Variants in PLGLB2 observed in about 807,000 individuals in gnomAD.
PLGLB2 encodes the protein plasminogen like B2.
chr2:87,751,714 CAT>C (rs1226713668), intron 1 of PLGLB2: 6 of 120,550 alleles, frequency 5.0e-5, no homozygotes, highest in African/African-American at 1.7e-4. Flanking sequence ...TGATAGCAAA[CAT>C]AAAATTTGTT....
rs1684805016 is a variant in PLGLB2, at chr2:87,758,358, C to CATGGACAAA, written c.*1545_*1553dup. 1.9e-5 allele frequency among the ~76,000 whole-genome samples: 2 copies of CATGGACAAA among 108,052 alleles called. No homozygotes were observed. The highest frequency in any genetic ancestry group is 7.1e-5 in the African/African-American group (2 of 28,224). 70.9% of individuals were successfully genotyped at this position (108,052 alleles called of 152,430 possible). On this transcript the variant is annotated 3_prime_UTR_variant, in exon 4 of 4. Coordinates refer to ENST00000359481, the MANE Select transcript of PLGLB2 (RefSeq NM_002665.4). ...AGTGGAATTCCTGGCACATAGTTCA[C>CATGGACAAA]ATGGACAAAATGGTGTTAACTACGA...
At chr2:87,749,018 AAGC>A (rs1684601095) in intron 1 of PLGLB2, among the ~76,000 whole-genome samples, 1 of 133,998 alleles carries the variant, frequency 7.5e-6, no homozygotes, top group Non-Finnish European at 1.6e-5. Context: ...AACTGGATTT[AAGC>A]CAGGTTTCCC....
At chr2:87,752,891 GGGA>G (rs1465220012) in intron 2 of PLGLB2, among the ~76,000 whole-genome samples, 1 of 69,454 alleles carries the variant, frequency 1.4e-5, no homozygotes, top group Admixed American at 2.0e-4. Flanking sequence ...AGAAGGCTCA[GGGA>G]GGAGGTGGGA....
chr2:87,758,969 C>T lies in PLGLB2; in HGVS notation c.*2151C>T, dbSNP rs1231163615. On this transcript the variant is annotated 3_prime_UTR_variant, in exon 4 of 4. Coordinates refer to ENST00000359481, the MANE Select transcript of PLGLB2 (RefSeq NM_002665.4). ...TATTAATAATTGCGTAACGTGTTCA[C>T]CTCTCGGAAAGGAGCAAAACTTTGC... 7.0e-6 allele frequency among the ~76,000 whole-genome samples: 1 copy of T among 142,380 alleles called. No individual in the cohort carries two copies. The highest frequency in any genetic ancestry group is 1.6e-5 in the Non-Finnish European group (1 of 64,044). 93.4% of individuals were successfully genotyped at this position (142,380 alleles called of 152,430 possible). A position where few individuals can be genotyped will look rare whatever the true frequency, so the allele number is the denominator to read the frequency against.
At chr2:87,755,079 TA>T (rs1684694206) in intron 3 of PLGLB2, among the ~76,000 whole-genome samples, 1 of 140,670 alleles carries the variant, frequency 7.1e-6, no homozygotes, top group Non-Finnish European at 1.5e-5. Context: ...TCCAAGACCC[TA>T]TCACCACTGG....
chr2:87,749,010 C>T (rs1684601001), intron 1 of PLGLB2, among the ~76,000 whole-genome samples: 2 of 130,892 alleles, frequency 1.5e-5, no homozygotes, highest in East Asian at 4.4e-4. Flanking sequence ...ATAAAGAAAA[C>T]TGGATTTAAG....
At chr2:87,756,137 G>A (rs1411507473) in intron 3 of PLGLB2, 1 of 36,490 alleles carries the variant, frequency 2.7e-5, no homozygotes, top group East Asian at 6.8e-4. Flanking sequence ...AGACATGGGT[G>A]GGCACACTAG....
chr2:87,753,222 CTTCT>C (rs1287425084), intron 2 of PLGLB2, among the ~76,000 whole-genome samples: 3 of 137,108 alleles, frequency 2.2e-5, no homozygotes, highest in Non-Finnish European at 3.2e-5. Flanking sequence ...ACCAGAGTTG[CTTCT>C]TTCTGACCCA....
At chr2:87,750,877 A>T in intron 1 of PLGLB2, among the ~76,000 whole-genome samples, 1 of 133,694 alleles carries the variant, frequency 7.5e-6, no homozygotes, top group Admixed American at 7.4e-5. Flanking sequence ...TGCCGCCTCC[A>T]CTGCTCTCCT....
intron 1 of PLGLB2, among the ~76,000 whole-genome samples, chr2:87,750,865 G>A (rs1052334309): frequency 1.5e-4 from 20 of 135,406 alleles, no homozygotes; most frequent in Admixed American, 2.9e-4. Flanking sequence ...CTTGTCTCCC[G>A]CTGCCGCCTC....
At position 87,758,748 on chromosome 2, in the gene PLGLB2, A is replaced by C; in HGVS notation, c.*1930A>C. ...TCCTCCCCAGATTCTCACCTGCTAC[A>C]CACCCCTCAGAGGGACTGGAGGAAT... is the stretch of plus-strand genomic sequence containing the variant. On this transcript the variant is annotated 3_prime_UTR_variant, in exon 4 of 4. Transcript: ENST00000359481. 1.4e-6 allele frequency: 1 copy of C among 695,218 alleles called. No individual in the cohort carries two copies. The highest frequency in any genetic ancestry group is 2.6e-5 in the East Asian group (1 of 38,644). The allele number at this position is 695,218 out of a possible 1,614,324, so 43.1% of individuals were successfully genotyped here. A position where few individuals can be genotyped will look rare whatever the true frequency, so the allele number is the denominator to read the frequency against.
chr2:87,751,413 C>T (rs1684643297), intron 1 of PLGLB2: 1 of 149,318 alleles, frequency 6.7e-6, no homozygotes, highest in Non-Finnish European at 1.5e-5. Context: ...GCTTCTTACC[C>T]TCCAGTGTTT....
At chr2:87,753,856 AAG>A (rs1351216746) in intron 3 of PLGLB2, among the ~76,000 whole-genome samples, 1 of 105,946 alleles carries the variant, frequency 9.4e-6, no homozygotes, top group African/African-American at 2.9e-5. Context: ...CAAAAAATGA[AAG>A]GATTAGATTT....
chr2:87,750,424 T>C (rs1684627416), intron 1 of PLGLB2, among the ~76,000 whole-genome samples: 1 of 151,866 alleles, frequency 6.6e-6, no homozygotes, highest in African/African-American at 2.4e-5. Flanking sequence ...AGAGTTCAAG[T>C]TGGCAGAAAG....
chr2:87,756,537 T>C (rs1451421490), intron 3 of PLGLB2: 1 of 330,382 alleles, frequency 3.0e-6, no homozygotes, highest in Non-Finnish European at 5.8e-6. Flanking sequence ...GAATGTGAGC[T>C]CTATGATGGC....
chr2:87,753,082 A>T (rs2104199892), intron 2 of PLGLB2, among the ~76,000 whole-genome samples: 1 of 138,438 alleles, frequency 7.2e-6, no homozygotes, highest in East Asian at 2.7e-4. Context: ...CACCCATAGC[A>T]GGACCACGGG....
intron 2 of PLGLB2, among the ~76,000 whole-genome samples, chr2:87,752,675 TGAG>T (rs1399799861): frequency 1.3e-4 from 2 of 15,274 alleles, no homozygotes; most frequent in Non-Finnish European, 1.8e-4. Context: ...AAATGTTTGT[TGAG>T]GATCATATGA....
rs1209522874 is a variant in PLGLB2 at position 87,756,972 on chromosome 2, TA to T, written c.*157del. On this transcript the variant is annotated 3_prime_UTR_variant, in exon 4 of 4. Coordinates refer to ENST00000359481, the MANE Select transcript of PLGLB2 (RefSeq NM_002665.4). ...CTTTCATCTTTGTGTTCATCTACTG[TA>T]AAGTGTCCGTCTGTGTCTGTGAGGG... 1 of 833,300 alleles carries T rather than the reference TA, an allele frequency of 1.2e-6. No individual in the cohort carries two copies. The highest frequency in any genetic ancestry group is 2.1e-6 in the Non-Finnish European group (1 of 477,474). 51.6% of individuals were successfully genotyped at this position (833,300 alleles called of 1,614,324 possible).
At chr2:87,753,786 T>TA (rs1311424828) in intron 3 of PLGLB2, among the ~76,000 whole-genome samples, 152 bp downstream of exon 3, 1 of 146,978 alleles carries the variant, frequency 6.8e-6, no homozygotes, top group Non-Finnish European at 1.5e-5. Context: ...ATTTGATTAC[T>TA]AACTAACCAT....
Sources: gnomAD v4.1 joint callset for allele counts (sites outside exome capture counted in the v4.1 genomes callset) on GRCh38, gnomAD v4.1.1 for gene constraint, MANE v1.5 for transcripts, NCBI Gene and HGNC (gene_info 2026-07-23, HGNC 2026-07-21) for gene names.